The following ARHGAP32 variants were observed in gnomAD, a reference collection of about 807,000 sequenced individuals.
ARHGAP32 encodes Rho GTPase activating protein 32, also known as rho GTPase-activating protein 32.
In ARHGAP32, 51 loss-of-function variants were observed where a neutral mutation model predicts 186.5. That is an observed-to-expected ratio of 0.27 (90% CI 0.22 to 0.35). The LOEUF is 0.35. Ranked by LOEUF, ARHGAP32 falls within the 10% of genes least tolerant of loss-of-function variation. The pLI, the probability that ARHGAP32 is intolerant of heterozygous loss-of-function variation, is 1.00. For synonymous variants in ARHGAP32, 950 were observed against 964.3 expected (o/e 0.99, Z 0.27); for missense variants, 2,186 against 2,623.5 (o/e 0.83, Z 3.64).
At chr11:129,075,187 T>C (rs890034050) in intron 6 of ARHGAP32, among the ~76,000 whole-genome samples, 1 of 152,116 alleles carries the variant, frequency 6.6e-6, no homozygotes, top group East Asian at 1.9e-4. Context: ...ACATCAGTGG[T>C]CTAACATACC....
At chr11:129,095,642 C>T (rs1311402579) in intron 5 of ARHGAP32, among the ~76,000 whole-genome samples, 3 of 152,188 alleles carry the variant, frequency 2.0e-5, no homozygotes, top group Non-Finnish European at 4.4e-5. Flanking sequence ...ACTCAGGACA[C>T]TCAACAACTG....
intron 10 of ARHGAP32, among the ~76,000 whole-genome samples, chr11:129,044,057 G>T (rs1199753513): frequency 1.3e-5 from 2 of 150,680 alleles, no homozygotes; most frequent in Admixed American, 6.6e-5. Context: ...TATTAAACAA[G>T]TTTTCATCAT....
chr11:129,162,162 G>A (rs1943544511), intron 2 of ARHGAP32, among the ~76,000 whole-genome samples: 1 of 152,102 alleles, frequency 6.6e-6, no homozygotes, highest in African/African-American at 2.4e-5. Flanking sequence ...GGGGGCTAGG[G>A]GAAGGATAGC....
intron 1 of ARHGAP32, among the ~76,000 whole-genome samples, chr11:129,273,817 T>A (rs1945499917): frequency 6.6e-6 from 1 of 152,222 alleles, no homozygotes; most frequent in African/African-American, 2.4e-5. Flanking sequence ...TAGGGCAAAC[T>A]GATAGAATTT....
chr11:129,193,809 A>G (rs1565465124), upstream of ARHGAP32, among the ~76,000 whole-genome samples: 5 of 135,822 alleles, frequency 3.7e-5, no homozygotes. Flanking sequence ...AACCAAAAAC[A>G]ACAGAACAAC....
At chr11:129,011,482 G>A (rs986311771) in intron 11 of ARHGAP32, among the ~76,000 whole-genome samples, 4 of 152,222 alleles carry the variant, frequency 2.6e-5, no homozygotes, top group Non-Finnish European at 5.9e-5. Context: ...TTAAGGAACA[G>A]TTTCTCTGAG....
At chr11:129,275,168 A>G (rs1945516342) in intron 1 of ARHGAP32, among the ~76,000 whole-genome samples, 5 of 152,364 alleles carry the variant, frequency 3.3e-5, no homozygotes, top group South Asian at 4.1e-4. Flanking sequence ...AGCAAACAGC[A>G]TAACACTCAG....
At chr11:129,187,926 TTGGTTTTTTTGTG>T (rs1442783854) in intron 1 of ARHGAP32, among the ~76,000 whole-genome samples, 3 of 151,948 alleles carry the variant, frequency 2.0e-5, no homozygotes, top group Non-Finnish European at 2.9e-5. Flanking sequence ...TTTTTTTGTT[TTGGTTTTTTTGTG>T]TGGTTTTTTT....
intron 2 of ARHGAP32, among the ~76,000 whole-genome samples, chr11:129,157,590 A>C (rs927392068): frequency 6.6e-6 from 1 of 152,188 alleles, no homozygotes; most frequent in African/African-American, 2.4e-5. Flanking sequence ...TGAAAAGACC[A>C]AATCTATCTT....
intron 12 of ARHGAP32, among the ~76,000 whole-genome samples, chr11:128,996,709 A>C (rs1257169527): frequency 7.9e-5 from 12 of 152,182 alleles, no homozygotes; most frequent in Non-Finnish European, 4.4e-5. Context: ...TATGTACAGT[A>C]AGAACTATTT....
At chr11:129,156,233 C>G (rs755784709) in intron 2 of ARHGAP32, among the ~76,000 whole-genome samples, 10 of 152,152 alleles carry the variant, frequency 6.6e-5, no homozygotes, top group Non-Finnish European at 1.0e-4. Context: ...GGAATGCCAA[C>G]AAGACAGAAC....
chr11:128,998,269 T>A, intron 12 of ARHGAP32, 50 bp downstream of exon 12: 1 of 1,428,950 alleles, frequency 7.0e-7, no homozygotes, highest in Non-Finnish European at 9.3e-7. Context: ...AGCAAACCAA[T>A]ATGGAGAGGT....
At chr11:129,205,497 G>T (rs1029179687) in intron 1 of ARHGAP32, among the ~76,000 whole-genome samples, 2 of 151,992 alleles carry the variant, frequency 1.3e-5, no homozygotes, top group Non-Finnish European at 2.9e-5. Flanking sequence ...AGAAATTTGG[G>T]CTCAGACAAT....
At chr11:129,249,156 G>A (rs1945144711) in intron 1 of ARHGAP32, among the ~76,000 whole-genome samples, 1 of 151,808 alleles carries the variant, frequency 6.6e-6, no homozygotes, top group South Asian at 2.1e-4. Flanking sequence ...GATAACCAAT[G>A]AGTAAAGCAA....
chr11:129,134,260 T>C (rs182325302), intron 2 of ARHGAP32, among the ~76,000 whole-genome samples: 1 of 151,932 alleles, frequency 6.6e-6, no homozygotes, highest in East Asian at 1.9e-4. Flanking sequence ...TGAAAAAGTA[T>C]CCAGAAAGAA....
intron 1 of ARHGAP32, among the ~76,000 whole-genome samples, chr11:129,243,105 A>T (rs1945042242): frequency 6.6e-6 from 1 of 152,188 alleles, no homozygotes; most frequent in South Asian, 2.1e-4. Flanking sequence ...TGAATGTTTC[A>T]CTGGCAATTC....
intron 1 of ARHGAP32, among the ~76,000 whole-genome samples, chr11:129,207,582 G>GT (rs565331147): frequency 2.8e-4 from 42 of 151,022 alleles, no homozygotes; most frequent in Non-Finnish European, 4.0e-4. Context: ...TTTTTTATGG[G>GT]TTTTTTTTTA....
chr11:129,115,545 AGAATACATG>A (rs1415088829), intron 5 of ARHGAP32, among the ~76,000 whole-genome samples: 1 of 152,142 alleles, frequency 6.6e-6, no homozygotes, highest in African/African-American at 2.4e-5. Context: ...CATCATATGA[AGAATACATG>A]GAAAATGAGA....
At chr11:129,068,785 T>C (rs1431908737) in intron 6 of ARHGAP32, among the ~76,000 whole-genome samples, 1 of 152,046 alleles carries the variant, frequency 6.6e-6, no homozygotes, top group African/African-American at 2.4e-5. Context: ...TACTAATATA[T>C]TGGAAAAATA....
Sources: gnomAD v4.1 joint callset for allele counts (sites outside exome capture counted in the v4.1 genomes callset) on GRCh38, gnomAD v4.1.1 for gene constraint, MANE v1.5 for transcripts, NCBI Gene and HGNC (gene_info 2026-07-23, HGNC 2026-07-21) for gene names.